ITSN2: variants seen among roughly 807,000 people sequenced by gnomAD.
ITSN2 encodes the protein intersectin-2.
In ITSN2, 156 loss-of-function variants were observed where a neutral mutation model predicts 243.7. That is an observed-to-expected ratio of 0.64 (90% CI 0.56 to 0.73). The LOEUF (loss-of-function observed/expected upper bound fraction) is 0.73. ITSN2 is among the 30% of genes least tolerant of loss of function. The pLI is 0.00. For synonymous variants in ITSN2, 703 were observed against 699.9 expected (o/e 1.00, Z -0.07); for missense variants, 1,801 against 1,996.1 (o/e 0.90, Z 1.86).
chr2:24,213,039 T>C (rs948672309), intron 32 of ITSN2, among the ~76,000 whole-genome samples: 2 of 152,150 alleles, frequency 1.3e-5, no homozygotes, highest in African/African-American at 4.8e-5. Flanking sequence ...TGATACCTAT[T>C]AGGTTCACAG....
chr2:24,324,745 C>G (rs1356089483), intron 2 of ITSN2, among the ~76,000 whole-genome samples: 1 of 149,664 alleles, frequency 6.7e-6, no homozygotes, highest in East Asian at 2.0e-4. Flanking sequence ...CCCAGTTACT[C>G]TGGAGGCTGA....
intron 31 of ITSN2, 44 bp downstream of exon 31, chr2:24,217,863 G>A: frequency 7.3e-7 from 1 of 1,369,148 alleles, no homozygotes; most frequent in Non-Finnish European, 1.0e-6. Context: ...TCAGTCTGGG[G>A]GCTTTGGGGT....
At chr2:24,334,499 C>T (rs934415861) in intron 1 of ITSN2, 1 of 706,622 alleles carries the variant, frequency 1.4e-6, no homozygotes, top group East Asian at 3.0e-5. Context: ...GTGCCAATAG[C>T]GCTCATGCAA....
chr2:24,295,623 A>G, intron 14 of ITSN2, 41 bp downstream of exon 14: 1 of 1,442,592 alleles, frequency 6.9e-7, no homozygotes, highest in Non-Finnish European at 9.1e-7. Context: ...AGAACTATTA[A>G]TTGTACATGT....
chr2:24,339,023 T>C (rs151030870), intron 1 of ITSN2, among the ~76,000 whole-genome samples: 41 of 152,154 alleles, frequency 2.7e-4, no homozygotes, highest in African/African-American at 9.2e-4. Context: ...TGACATTGTA[T>C]AGTGTGCAGA....
Position 24,301,209 on chromosome 2 carries a change from T to A in ITSN2, c.1026A>T (p.Gly342=). 1 of 1,609,090 alleles carries A rather than the reference T, an allele frequency of 6.2e-7. No homozygotes were observed. Among genetic ancestry groups the A allele is most frequent in the South Asian group, 1.1e-5 (1 of 90,288 alleles). The stretch of plus-strand genomic sequence containing the variant: ...GCATTTTCTGATATGAAGGCAGAGT[T>A]CCATTAATGGAATCAATTTGCTTTC... ...RGGKQIDSIN[G]TLPSYQKMQE... Residue 342 remains glycine (G), a synonymous_variant, in exon 11 of 40, where the codon GGA becomes GGT. Coordinates refer to ENST00000355123, the MANE Select transcript of ITSN2 (RefSeq NM_006277.3).
chr2:24,342,637 T>C (rs1687152406), intron 1 of ITSN2, among the ~76,000 whole-genome samples: 1 of 151,306 alleles, frequency 6.6e-6, no homozygotes, highest in African/African-American at 2.4e-5. Context: ...ACCAGATATG[T>C]GCATTTCAGC....
rs181590024 is a variant in ITSN2, at chr2:24,290,224, T to C, written c.1723+3464A>G. Among the ~76,000 whole-genome samples, 543 of 152,330 alleles carry C rather than the reference T, an allele frequency of 3.6e-3. 5 individuals carry two copies. Among genetic ancestry groups the C allele is most frequent in the Non-Finnish European group, 6.6e-3 (448 of 68,036 alleles). The stretch of plus-strand genomic sequence containing the variant: ...GCAAACCCTCATCTATATTGGATAT[T>C]ATCAATCTTTTTTCATTTTTGCTAA... On this transcript the variant is annotated intron_variant, in intron 15 of 39. Transcript: ENST00000355123.
intron 30 of ITSN2, among the ~76,000 whole-genome samples, chr2:24,218,420 A>G (rs558165252): frequency 1.2e-4 from 19 of 152,356 alleles, no homozygotes; most frequent in African/African-American, 4.3e-4. Context: ...GACATTCAAC[A>G]GGAGAACCAG....
chr2:24,359,294 C>CTAAACTGA (rs1488226166), intron 1 of ITSN2, among the ~76,000 whole-genome samples: 1 of 152,148 alleles, frequency 6.6e-6, no homozygotes, highest in African/African-American at 2.4e-5. Flanking sequence ...GCTATGCTAC[C>CTAAACTGA]TAAACTGAGC....
At chr2:24,342,229 T>A (rs1384649195) in intron 1 of ITSN2, among the ~76,000 whole-genome samples, 2 of 151,860 alleles carry the variant, frequency 1.3e-5, no homozygotes, top group African/African-American at 2.4e-5. Flanking sequence ...TTTGAGACAG[T>A]CAATGTTGCC....
intron 1 of ITSN2, among the ~76,000 whole-genome samples, chr2:24,356,933 T>C (rs564650350): frequency 1.1e-4 from 16 of 151,954 alleles, no homozygotes; most frequent in Admixed American, 3.3e-4. Flanking sequence ...GAGATACCAT[T>C]TCATGCCAGT....
At chr2:24,226,690 G>A (rs1671063723) in intron 29 of ITSN2, among the ~76,000 whole-genome samples, 1 of 152,094 alleles carries the variant, frequency 6.6e-6, no homozygotes, top group Non-Finnish European at 1.5e-5. Context: ...TCTCTGTGTT[G>A]TGTGTTATGT....
At chr2:24,318,820 G>A (rs1033258963) in intron 2 of ITSN2, among the ~76,000 whole-genome samples, 4 of 152,156 alleles carry the variant, frequency 2.6e-5, no homozygotes, top group African/African-American at 9.7e-5. Flanking sequence ...CCCAGGCCAC[G>A]GACTGGCACT....
rs1673817183 is a variant in ITSN2, at chr2:24,249,364, C to A, written c.3121-482G>T. ...TTTATTTATTTTACCATCCTCCCCC[C>A]AAACTGACTGAATCTGACCTAAGAA... On this transcript the variant is annotated intron_variant, in intron 25 of 39. Coordinates refer to ENST00000355123, the MANE Select transcript of ITSN2 (RefSeq NM_006277.3). The surrounding 1 kb of genome is among the most constrained non-coding windows in gnomAD (Gnocchi z 4.4). Among the ~76,000 whole-genome samples, 1 of 152,178 alleles carries A rather than the reference C, an allele frequency of 6.6e-6. No individual in the cohort carries two copies.
intron 15 of ITSN2, among the ~76,000 whole-genome samples, chr2:24,291,186 G>A (rs1034331756): frequency 1.3e-5 from 2 of 152,014 alleles, no homozygotes; most frequent in Non-Finnish European, 2.9e-5. Flanking sequence ...CTGGAGTGCA[G>A]TGGCACCATC....
intron 9 of ITSN2, among the ~76,000 whole-genome samples, chr2:24,302,495 G>A (rs980773334): frequency 1.4e-4 from 22 of 152,120 alleles, no homozygotes; most frequent in African/African-American, 3.6e-4. Flanking sequence ...ACCTGGGCCC[G>A]GCCAATTTTT....
intron 31 of ITSN2, among the ~76,000 whole-genome samples, chr2:24,216,531 G>A (rs1009677364): frequency 1.3e-5 from 2 of 152,238 alleles, no homozygotes; most frequent in African/African-American, 4.8e-5. Context: ...CGAGGCAAGA[G>A]GATTGCTTGA....
At chr2:24,351,156 G>GAACT (rs761525884) in intron 1 of ITSN2, among the ~76,000 whole-genome samples, 2 of 152,060 alleles carry the variant, frequency 1.3e-5, no homozygotes, top group Non-Finnish European at 2.9e-5. Flanking sequence ...TGCACCTGTG[G>GAACT]AACTACCTGC....
Sources: allele counts gnomAD v4.1 joint callset (sites outside exome capture counted in the v4.1 genomes callset), GRCh38; gene constraint gnomAD v4.1.1; non-coding constraint Gnocchi (gnomAD v3.1); transcripts MANE v1.5; gene names NCBI Gene and HGNC (gene_info 2026-07-23, HGNC 2026-07-21).